The following PDPK1 variants were observed in gnomAD, a reference collection of about 807,000 sequenced individuals.
PDPK1 encodes 3-phosphoinositide dependent protein kinase 1.
A neutral mutation model predicts 39.8 loss-of-function variants in PDPK1; 7 were observed. The ratio of observed to expected loss-of-function variants is 0.18; its 90% confidence interval spans 0.10 to 0.33. PDPK1 has a LOEUF of 0.33. Among genes scored for constraint, PDPK1 ranks in the 10% least tolerant of loss-of-function variants. The probability of loss-of-function intolerance (pLI) is 1.00; values close to 1 mark genes in which losing one functional copy is unlikely to be tolerated. For missense variants in PDPK1, 182 were observed against 384.7 expected (o/e 0.47, Z 4.41); for synonymous variants, 118 against 159.1 (o/e 0.74, Z 1.95).
chr16:2,550,342 G>A (rs1304385139), intron 1 of PDPK1, among the ~76,000 whole-genome samples: 1 of 107,178 alleles, frequency 9.3e-6, no homozygotes, highest in Non-Finnish European at 1.9e-5. Context: ...AAACTCACAC[G>A]TGCCCACCAC....
rs543744889 is a variant in PDPK1, at chr16:2,600,350, C to T, written c.*2583C>T. 4.1e-4 allele frequency: 96 copies of T among 233,224 alleles called. No individual in the cohort carries two copies. Among genetic ancestry groups the T allele is most frequent in the African/African-American group, 2.1e-3 (93 of 45,338 alleles). 14.4% of individuals were successfully genotyped at this position (233,224 alleles called of 1,614,324 possible). On this transcript the variant is annotated 3_prime_UTR_variant, in exon 14 of 14. Transcript: ENST00000342085. ...GGAATGTCGGGACCACACTGTGCGG[C>T]TTCTCGGCACAAAGCGGAGGGAGGC...
At chr16:2,541,737 G>A (rs1468472401) in intron 1 of PDPK1, among the ~76,000 whole-genome samples, 1 of 152,214 alleles carries the variant, frequency 6.6e-6, no homozygotes, top group Non-Finnish European at 1.5e-5. Flanking sequence ...GACATGAGTT[G>A]CTCAGGTCTT....
chr16:2,540,822 A>G (rs2066231397), intron 1 of PDPK1, among the ~76,000 whole-genome samples: 1 of 151,908 alleles, frequency 6.6e-6, no homozygotes, highest in South Asian at 2.1e-4. Context: ...AGAAACATGT[A>G]ATGATTTTGC....
chr16:2,597,722 T>A lies in PDPK1; in HGVS notation c.1626T>A (p.Val542=). The change falls in exon 14 of 14, where the codon GTT becomes GTA. Residue 542 remains valine, a synonymous_variant. Coordinates refer to ENST00000342085, the MANE Select transcript of PDPK1 (RefSeq NM_002613.5). The surrounding 1 kb of genome is among the most constrained non-coding windows in gnomAD (Gnocchi z 6.3). The stretch of plus-strand genomic sequence containing the variant: ...AGTGGTGCAGGAAGATCCAGGAGGT[T>A]TGGAGGCAGCGATACCAGAGCCACC... The part of the protein sequence containing the change: ...AHKWCRKIQE[V]WRQRYQSHPD... 1 of 1,613,550 alleles carries A rather than the reference T, an allele frequency of 6.2e-7. No individual in the cohort carries two copies. The highest frequency in any genetic ancestry group is 2.2e-5 in the East Asian group (1 of 44,874).
intron 1 of PDPK1, among the ~76,000 whole-genome samples, chr16:2,539,754 A>C (rs1184373806): frequency 1.3e-5 from 2 of 152,174 alleles, no homozygotes; most frequent in African/African-American, 4.8e-5. Context: ...GTTAACCTGC[A>C]CCCAGTGACA....
At chr16:2,539,638 G>C (rs1221802520) in intron 1 of PDPK1, 6 of 152,362 alleles carry the variant, frequency 3.9e-5, no homozygotes, top group African/African-American at 1.2e-4. Flanking sequence ...ATTTCGACAT[G>C]TGTGGCTGTA....
At chr16:2,550,349 C>G (rs1364816893) in intron 1 of PDPK1, among the ~76,000 whole-genome samples, 3 of 96,170 alleles carry the variant, frequency 3.1e-5, no homozygotes, top group African/African-American at 1.3e-4. Flanking sequence ...CACGTGCCCA[C>G]CACCCTACTT....
chr16:2,595,686 T>G, intron 11 of PDPK1, 107 bp from the exon 12 acceptor site: 1 of 857,106 alleles, frequency 1.2e-6, no homozygotes, highest in South Asian at 1.4e-5. Flanking sequence ...AGGCTGGCTC[T>G]GTGAGGGGCA....
intron 12 of PDPK1, among the ~76,000 whole-genome samples, chr16:2,596,645 C>T (rs1034253537): frequency 1.3e-5 from 2 of 152,210 alleles, no homozygotes; most frequent in Admixed American, 1.3e-4. Context: ...AGTAGAACGT[C>T]AGATCAGGAA....
Position 2,595,864 on chromosome 16 carries a change from G to C in PDPK1, c.1401+14G>C, listed in dbSNP as rs1419006136. The C allele has an allele frequency of 1.2e-6, 2 of 1,607,600 alleles. No homozygotes were observed. The highest frequency in any genetic ancestry group is 2.7e-5 in the African/African-American group (2 of 74,818). On this transcript the variant is annotated intron_variant, in intron 12 of 13. Transcript: ENST00000342085. ...GATAAGCGGAAGGTGAGTGGTCAGT[G>C]GTCCCGCTGCTCCGCACGGACACCT...
Position 2,597,343 on chromosome 16 carries a change from C to A in PDPK1, c.1554+68C>A. 7.2e-7 allele frequency: 1 copy of A among 1,394,930 alleles called. No homozygotes were observed. Among genetic ancestry groups the A allele is most frequent in the Non-Finnish European group, 9.9e-7 (1 of 1,015,192 alleles). The allele number at this position is 1,394,930 out of a possible 1,614,324, so 86.4% of individuals were successfully genotyped here. ...GGGCTTTGCACCACGTGGGAAGCAGCCACAGGCCTTGGCCAGAGGGAGCAG... is the reference window on the plus strand; with the variant it reads ...GGGCTTTGCACCACGTGGGAAGCAGACACAGGCCTTGGCCAGAGGGAGCAG... On this transcript the variant is annotated intron_variant, in intron 13 of 13. Transcript: ENST00000342085. The surrounding 1 kb of genome is among the most constrained non-coding windows in gnomAD (Gnocchi z 6.3).
chr16:2,580,282 T>C (rs894560600), intron 7 of PDPK1, among the ~76,000 whole-genome samples: 1 of 145,022 alleles, frequency 6.9e-6, no homozygotes, highest in African/African-American at 2.7e-5. Context: ...GGGGTTTCCA[T>C]GGATTCACAC....
At chr16:2,544,729 G>A (rs772811809) in intron 1 of PDPK1, among the ~76,000 whole-genome samples, 11 of 150,742 alleles carry the variant, frequency 7.3e-5, no homozygotes, top group Non-Finnish European at 1.5e-4. Context: ...GACCACAGGC[G>A]CCTGCCACCA....
At chr16:2,543,003 A>G (rs1472806599) in intron 1 of PDPK1, among the ~76,000 whole-genome samples, 7 of 118,454 alleles carry the variant, frequency 5.9e-5, no homozygotes, top group Non-Finnish European at 1.2e-4. Flanking sequence ...TCCCTTTTGG[A>G]ATTAATTCGA....
rs1209318241 is a variant in PDPK1, at chr16:2,600,149, C to T, written c.*2382C>T. 2.1e-5 allele frequency: 5 copies of T among 233,148 alleles called. No homozygotes were observed. The highest frequency in any genetic ancestry group is 3.4e-5 in the Non-Finnish European group (4 of 118,030). 14.4% of individuals were successfully genotyped at this position (233,148 alleles called of 1,614,324 possible). A position where few individuals can be genotyped will look rare whatever the true frequency, so the allele number is the denominator to read the frequency against. ...GTTTTCTCTACCACATCCTTAGAGC[C>T]ATCACCTGGCACGCAGGCGCCTTAC... On this transcript the variant is annotated 3_prime_UTR_variant, in exon 14 of 14. Coordinates refer to ENST00000342085, the MANE Select transcript of PDPK1 (RefSeq NM_002613.5).
intron 1 of PDPK1, among the ~76,000 whole-genome samples, chr16:2,547,258 C>CCCCT: frequency 6.8e-6 from 1 of 146,380 alleles, no homozygotes; most frequent in African/African-American, 2.8e-5. Context: ...TGAGGGCGAG[C>CCCCT]GCTAGGTTCG....
rs142055876 is a variant in PDPK1 at position 2,595,616 on chromosome 16, G to A, written c.1344-177G>A. Reference sequence around the variant, plus strand: ...GCAAATACGGATTAAGGCTCTCTGCGTGGCAGTGCTGTATGTGCTGGGTTA... The same window carrying A: ...GCAAATACGGATTAAGGCTCTCTGCATGGCAGTGCTGTATGTGCTGGGTTA... On this transcript the variant is annotated intron_variant, in intron 11 of 13. Coordinates refer to ENST00000342085, the MANE Select transcript of PDPK1 (RefSeq NM_002613.5). 1.3e-3 allele frequency among the ~76,000 whole-genome samples: 197 copies of A among 152,322 alleles called. 1 individual carries two copies. In the East Asian group the frequency reaches 0.029, roughly 22 times the overall value.
At chr16:2,546,626 G>C (rs536546144) in intron 1 of PDPK1, among the ~76,000 whole-genome samples, 1 of 152,198 alleles carries the variant, frequency 6.6e-6, no homozygotes, top group Admixed American at 6.5e-5. Context: ...CACCGTGCCC[G>C]GCCTTCCTTA....
At position 2,601,812 on chromosome 16, in the gene PDPK1, C is replaced by A. The variant is rs563817322; in HGVS notation, c.*4045C>A. The A allele has an allele frequency of 3.9e-4, 89 of 227,008 alleles. 1 individual carries two copies. Among genetic ancestry groups the A allele is most frequent in the African/African-American group, 1.7e-3 (77 of 44,316 alleles). The allele number at this position is 227,008 out of a possible 1,614,324, so 14.1% of individuals were successfully genotyped here. On this transcript the variant is annotated 3_prime_UTR_variant, in exon 14 of 14. Coordinates refer to ENST00000342085, the MANE Select transcript of PDPK1 (RefSeq NM_002613.5). ...CTGGTGTAGATTTCAGGCCGCCCCC[C>A]CCAACTCCCTGCCCACAGTGTTGCA... is the stretch of plus-strand genomic sequence containing the variant.
Sources: gnomAD v4.1 joint callset for allele counts (sites outside exome capture counted in the v4.1 genomes callset) on GRCh38, gnomAD v4.1.1 for gene constraint, Gnocchi (gnomAD v3.1) non-coding constraint, MANE v1.5 for transcripts, NCBI Gene and HGNC (gene_info 2026-07-23, HGNC 2026-07-21) for gene names.